The following GALNT1 variants were observed in gnomAD, a reference collection of about 807,000 sequenced individuals.
GALNT1 encodes GalNAc transferase 1.
In GALNT1, 17 loss-of-function variants were observed where a neutral mutation model predicts 65.7. That is an observed-to-expected ratio of 0.26 (90% CI 0.18 to 0.39). The LOEUF (loss-of-function observed/expected upper bound fraction) is 0.39, where lower values mean the gene tolerates loss of function less well. Among genes scored for constraint, GALNT1 ranks in the 10% least tolerant of loss-of-function variants. The pLI is 1.00. For synonymous variants in GALNT1, 210 were observed against 219.7 expected, an observed-to-expected ratio of 0.96 and a Z score of 0.39; for missense variants, 460 against 672.8, an observed-to-expected ratio of 0.68 and a Z score of 3.50.
At chr18:35,593,009 C>T (rs368655283) in intron 1 of GALNT1, among the ~76,000 whole-genome samples, 1 of 151,984 alleles carries the variant, frequency 6.6e-6, no homozygotes, top group East Asian at 1.9e-4. Flanking sequence ...AGGTTGTTTT[C>T]CTGTTGTTGT....
intron 1 of GALNT1, among the ~76,000 whole-genome samples, chr18:35,629,883 C>CA: frequency 6.6e-6 from 1 of 151,688 alleles, no homozygotes; most frequent in South Asian, 2.1e-4. Context: ...AAATGGAAAA[C>CA]AAAAAAAGGC....
chr18:35,683,316 C>T, intron 4 of GALNT1, 75 bp from the exon 5 acceptor site: 2 of 1,199,248 alleles, frequency 1.7e-6, no homozygotes, highest in African/African-American at 1.5e-5. Flanking sequence ...AATAAATTTT[C>T]CAAATCAAAA....
intron 1 of GALNT1, among the ~76,000 whole-genome samples, chr18:35,652,391 TGTGGAAG>T (rs533221083): frequency 2.9e-4 from 44 of 152,332 alleles, no homozygotes; most frequent in African/African-American, 1.0e-3. Flanking sequence ...TTCTGCAGTA[TGTGGAAG>T]GTGATGGGTG....
intron 1 of GALNT1, among the ~76,000 whole-genome samples, chr18:35,601,837 T>C (rs2046586453): frequency 2.6e-5 from 4 of 152,238 alleles, no homozygotes. Flanking sequence ...TCTTATGACT[T>C]AACAGGTTGC....
intron 2 of GALNT1, among the ~76,000 whole-genome samples, chr18:35,655,063 T>C (rs2047364360): frequency 6.6e-6 from 1 of 152,174 alleles, no homozygotes; most frequent in Non-Finnish European, 1.5e-5. Flanking sequence ...TACTTTATGT[T>C]ACTAAATAAT....
At chr18:35,704,055 C>A (rs1220782091) in intron 11 of GALNT1, among the ~76,000 whole-genome samples, 2 of 152,156 alleles carry the variant, frequency 1.3e-5, no homozygotes, top group African/African-American at 4.8e-5. Flanking sequence ...ATGACAGAAC[C>A]TTTCCTATTT....
At chr18:35,664,725 T>C (rs563174196) in intron 3 of GALNT1, among the ~76,000 whole-genome samples, 1 of 152,362 alleles carries the variant, frequency 6.6e-6, no homozygotes, top group East Asian at 1.9e-4. Flanking sequence ...TAGAGTACCA[T>C]AGGCCCAGTT....
chr18:35,703,341 A>G (rs117509003), intron 10 of GALNT1, among the ~76,000 whole-genome samples, 168 bp from the exon 11 acceptor site: 1,789 of 152,338 alleles, frequency 0.012, 16 homozygotes, highest in Non-Finnish European at 0.018. Context: ...CATAACATCA[A>G]TGTAAATTAG....
At chr18:35,685,478 A>T (rs1422314089) in intron 5 of GALNT1, among the ~76,000 whole-genome samples, 1 of 145,164 alleles carries the variant, frequency 6.9e-6, no homozygotes, top group Non-Finnish European at 1.5e-5. Context: ...CCAAGAAAGG[A>T]TGGCTTAAAA....
chr18:35,648,966 T>A (rs1235404698), intron 1 of GALNT1, among the ~76,000 whole-genome samples: 3 of 152,238 alleles, frequency 2.0e-5, no homozygotes, highest in Non-Finnish European at 4.4e-5. Context: ...ATAAATATAG[T>A]GCAATTTGTT....
chr18:35,585,081 TAGGTGGGGGAACTTCAGGTTGGCTGG>T (rs2046364683), intron 1 of GALNT1, among the ~76,000 whole-genome samples: 1 of 152,234 alleles, frequency 6.6e-6, no homozygotes, highest in African/African-American at 2.4e-5. Flanking sequence ...GGAGAGATTG[TAGGTGGGGGAACTTCAGGTTGGCTGG>T]GTTGGGGAGG....
chr18:35,627,080 G>A (rs1705592757), intron 1 of GALNT1, among the ~76,000 whole-genome samples: 1 of 152,220 alleles, frequency 6.6e-6, no homozygotes, highest in Non-Finnish European at 1.5e-5. Flanking sequence ...GTTGGATAAG[G>A]AACAAACAGT....
chr18:35,663,019 G>A (rs1484439934), intron 2 of GALNT1, among the ~76,000 whole-genome samples: 2 of 152,196 alleles, frequency 1.3e-5, no homozygotes, highest in Non-Finnish European at 2.9e-5. Context: ...ATGAAATAAT[G>A]TGATAGTCAA....
At chr18:35,626,007 C>G (rs1184203888) in intron 1 of GALNT1, among the ~76,000 whole-genome samples, 4 of 152,088 alleles carry the variant, frequency 2.6e-5, no homozygotes, top group Admixed American at 6.6e-5. Context: ...TTTGCTGTTC[C>G]CCAGACATTC....
chr18:35,638,534 T>C (rs2047121980), intron 1 of GALNT1, among the ~76,000 whole-genome samples: 1 of 149,554 alleles, frequency 6.7e-6, no homozygotes, highest in Admixed American at 6.6e-5. Context: ...CTAAGTAAAC[T>C]AAGTTATCTA....
chr18:35,668,629 TGAG>T (rs779971000), intron 3 of GALNT1, among the ~76,000 whole-genome samples: 9 of 151,916 alleles, frequency 5.9e-5, no homozygotes, highest in Non-Finnish European at 1.2e-4. Context: ...AGGGGAGAAA[TGAG>T]GAGATGCTGA....
chr18:35,694,027 G>A (rs1440939917), intron 9 of GALNT1, among the ~76,000 whole-genome samples: 1 of 152,176 alleles, frequency 6.6e-6, no homozygotes, highest in Non-Finnish European at 1.5e-5. Flanking sequence ...TTTCAGGAAA[G>A]AGGAAGTGAT....
intron 8 of GALNT1, 94 bp downstream of exon 8, chr18:35,691,286 C>A: frequency 2.9e-6 from 3 of 1,026,262 alleles, no homozygotes; most frequent in East Asian, 2.5e-5. Context: ...AAGCTTTGAG[C>A]AGAGGTGAAC....
At chr18:35,630,632 CAATT>C (rs1336981452) in intron 1 of GALNT1, among the ~76,000 whole-genome samples, 1 of 152,088 alleles carries the variant, frequency 6.6e-6, no homozygotes, top group African/African-American at 2.4e-5. Flanking sequence ...CGTAACATCA[CAATT>C]AAAAGAACTA....
Sources: allele counts gnomAD v4.1 joint callset (sites outside exome capture counted in the v4.1 genomes callset), GRCh38; gene constraint gnomAD v4.1.1; transcripts MANE v1.5; gene names NCBI Gene and HGNC (gene_info 2026-07-23, HGNC 2026-07-21).